The following TEX2 variants were observed in gnomAD, a reference collection of about 807,000 sequenced individuals.
The protein encoded by TEX2 is testis-expressed protein 2.
Under a neutral mutation model 106.9 loss-of-function variants are expected in TEX2, and 53 were observed. That is an observed-to-expected ratio of 0.50 (90% CI 0.40 to 0.62). TEX2 has a LOEUF of 0.62. Among genes scored for constraint, TEX2 ranks in the 20% least tolerant of loss-of-function variants. TEX2 has a pLI of 0.00. For missense variants in TEX2, 1,207 were observed against 1,379.0 expected, an observed-to-expected ratio of 0.88 and a Z score of 1.98; for synonymous variants, 523 against 534.8, an observed-to-expected ratio of 0.98 and a Z score of 0.30.
At chr17:64,221,488 G>A (rs371862108) in intron 1 of TEX2, among the ~76,000 whole-genome samples, 26 of 152,238 alleles carry the variant, frequency 1.7e-4, no homozygotes, top group African/African-American at 3.9e-4. Context: ...AATTAAAACC[G>A]CAATGAGATA....
chr17:64,259,143 C>T (rs1555638181), intron 1 of TEX2, among the ~76,000 whole-genome samples: 2 of 152,190 alleles, frequency 1.3e-5, no homozygotes, highest in African/African-American at 4.8e-5. Flanking sequence ...ATCCACGCAG[C>T]CATTGGGAAA....
Position 64,147,547 on chromosome 17 carries a change from G to A in TEX2, c.*1422C>T, listed in dbSNP as rs554717667. 1.3e-5 allele frequency: 2 copies of A among 152,516 alleles called. No individual in the cohort carries two copies. The highest frequency in any genetic ancestry group is 2.1e-4 in the South Asian group (1 of 4,822). 9.4% of individuals were successfully genotyped at this position (152,516 alleles called of 1,614,324 possible). A position where few individuals can be genotyped will look rare whatever the true frequency, so the allele number is the denominator to read the frequency against. ...ACAGTCATGTGTAATCTCTTTACAC[G>A]ATAGTGCATCTAGTCCTTAGCCTTT... On this transcript the variant is annotated 3_prime_UTR_variant, in exon 12 of 12. Transcript: ENST00000584379.
chr17:64,161,742 G>A (rs757154104), intron 7 of TEX2, among the ~76,000 whole-genome samples: 6 of 151,904 alleles, frequency 3.9e-5, no homozygotes. Flanking sequence ...AGGATTCTAT[G>A]ATTTGTCAAG....
chr17:64,172,782 A>C (rs1404680780), intron 6 of TEX2, among the ~76,000 whole-genome samples: 2 of 152,146 alleles, frequency 1.3e-5, no homozygotes, highest in African/African-American at 2.4e-5. Flanking sequence ...AGAGTTACTT[A>C]TCTGAGTGTG....
Position 64,148,357 on chromosome 17 carries a change from A to C in TEX2, c.*612T>G, listed in dbSNP as rs2030163144. On this transcript the variant is annotated 3_prime_UTR_variant, in exon 12 of 12. Transcript: ENST00000584379. ...TTTGCCTGATGTTCACATAAATCCC[A>C]CTGTCCTTACCCAAGCTGATAGCGT... The C allele has an allele frequency of 6.5e-6, 1 of 152,682 alleles. No homozygotes were observed. The highest frequency in any genetic ancestry group is 1.9e-4 in the East Asian group (1 of 5,200). The allele number at this position is 152,682 out of a possible 1,614,324, so 9.5% of individuals were successfully genotyped here.
chr17:64,258,367 T>C (rs529051731), intron 1 of TEX2, among the ~76,000 whole-genome samples: 1 of 152,204 alleles, frequency 6.6e-6, no homozygotes, highest in South Asian at 2.1e-4. Flanking sequence ...GGGAGCAACA[T>C]AAGCCAGTAT....
intron 7 of TEX2, among the ~76,000 whole-genome samples, chr17:64,162,862 C>G (rs2143671725): frequency 6.6e-6 from 1 of 152,304 alleles, no homozygotes; most frequent in Non-Finnish European, 1.5e-5. Flanking sequence ...CTGGCACAGT[C>G]TGACCAGGCA....
chr17:64,218,168 T>G (rs2033241049), intron 1 of TEX2, among the ~76,000 whole-genome samples: 1 of 151,874 alleles, frequency 6.6e-6, no homozygotes, highest in Non-Finnish European at 1.5e-5. Context: ...ATTGCTTGAA[T>G]CCATGAAACA....
At chr17:64,228,900 C>T (rs2033583893) in intron 1 of TEX2, among the ~76,000 whole-genome samples, 2 of 150,736 alleles carry the variant, frequency 1.3e-5, no homozygotes, top group South Asian at 2.1e-4. Flanking sequence ...TGGACCACCT[C>T]CTATGGCCTA....
At chr17:64,193,410 A>T in intron 4 of TEX2, 149 bp downstream of exon 4, 1 of 568,226 alleles carries the variant, frequency 1.8e-6, no homozygotes, top group Non-Finnish European at 2.9e-6. Flanking sequence ...CTAGATGGTA[A>T]ATGAGTCATG....
At chr17:64,223,938 C>T (rs1325269341) in intron 1 of TEX2, among the ~76,000 whole-genome samples, 2 of 152,178 alleles carry the variant, frequency 1.3e-5, no homozygotes, top group South Asian at 2.1e-4. Flanking sequence ...GAGGCCGAGG[C>T]AGGTAACACA....
At chr17:64,242,760 C>T (rs1446833454) in intron 1 of TEX2, among the ~76,000 whole-genome samples, 1 of 152,148 alleles carries the variant, frequency 6.6e-6, no homozygotes, top group Non-Finnish European at 1.5e-5. Flanking sequence ...ACACATAATA[C>T]AGGCACGCAA....
At chr17:64,242,931 ATTTT>A (rs571362283) in intron 1 of TEX2, among the ~76,000 whole-genome samples, 1 of 142,792 alleles carries the variant, frequency 7.0e-6, no homozygotes, top group African/African-American at 2.6e-5. Flanking sequence ...AAAAAAAAAA[ATTTT>A]TTTTTTTTTT....
intron 1 of TEX2, among the ~76,000 whole-genome samples, chr17:64,252,025 A>G (rs1216620695): frequency 6.6e-6 from 1 of 152,130 alleles, no homozygotes; most frequent in East Asian, 1.9e-4. Context: ...TGGGCTGTAT[A>G]TGGAATACTC....
chr17:64,215,946 T>C (rs1489732140), intron 1 of TEX2, among the ~76,000 whole-genome samples: 1 of 152,176 alleles, frequency 6.6e-6, no homozygotes, highest in Non-Finnish European at 1.5e-5. Context: ...GGAGGAAATA[T>C]TCCAAGGATG....
intron 1 of TEX2, among the ~76,000 whole-genome samples, chr17:64,223,946 A>G (rs1364537523): frequency 3.9e-5 from 6 of 152,294 alleles, no homozygotes; most frequent in East Asian, 1.9e-4. Context: ...GGCAGGTAAC[A>G]CAGCATCTGA....
intron 1 of TEX2, among the ~76,000 whole-genome samples, chr17:64,259,040 G>A (rs1204502848): frequency 3.3e-5 from 5 of 152,170 alleles, no homozygotes; most frequent in Non-Finnish European, 5.9e-5. Flanking sequence ...GAGCCACCGC[G>A]CCCTGTCCTG....
intron 1 of TEX2, among the ~76,000 whole-genome samples, chr17:64,260,629 C>G (rs1477494271): frequency 3.9e-5 from 6 of 152,192 alleles, no homozygotes; most frequent in African/African-American, 1.4e-4. Context: ...TGCTCTAGGA[C>G]TGGAGAGGAT....
rs2030942871 is a variant in TEX2, at chr17:64,162,683, AG to A, written c.2672-1751del. On this transcript the variant is annotated intron_variant, in intron 7 of 11. Transcript: ENST00000584379. ...TGATGTGTGGTCCAGCGTCCCTGCC[AG>A]GAGCTGGGAGGTGGAGGAAGGCCCA... is the stretch of plus-strand genomic sequence containing the variant. 8.5e-5 allele frequency among the ~76,000 whole-genome samples: 13 copies of A among 152,312 alleles called. No homozygotes were observed. The South Asian group carries it at 2.7e-3, about 32-fold the overall frequency.
Sources: allele counts gnomAD v4.1 joint callset (sites outside exome capture counted in the v4.1 genomes callset), GRCh38; gene constraint gnomAD v4.1.1; transcripts MANE v1.5; gene names NCBI Gene and HGNC (gene_info 2026-07-23, HGNC 2026-07-21).